The following PLEKHA8 variants were observed in gnomAD, a reference collection of about 807,000 sequenced individuals.
PLEKHA8 encodes pleckstrin homology domain-containing family A member 8.
A neutral mutation model predicts 68.2 loss-of-function variants in PLEKHA8; 36 were observed. The observed-to-expected ratio is 0.53, with a 90% CI of 0.40 to 0.70. The LOEUF is 0.70. PLEKHA8 is among the 30% of genes least tolerant of loss of function. The pLI, the probability that PLEKHA8 is intolerant of heterozygous loss-of-function variation, is 0.00. For synonymous variants in PLEKHA8, 211 were observed against 216.1 expected, an observed-to-expected ratio of 0.98 and a Z score of 0.20; for missense variants, 505 against 615.4, an observed-to-expected ratio of 0.82 and a Z score of 1.90.
At chr7:30,029,280 A>C (rs967419437) in intron 1 of PLEKHA8, among the ~76,000 whole-genome samples, 3 of 152,168 alleles carry the variant, frequency 2.0e-5, no homozygotes, top group African/African-American at 7.2e-5. Context: ...TCCCTTTGTC[A>C]CCTTCAGAGT....
chr7:30,061,856 C>G, intron 10 of PLEKHA8, 41 bp from the exon 11 acceptor site: 1 of 1,611,140 alleles, frequency 6.2e-7, no homozygotes. Context: ...TTGATAACTT[C>G]AGCATTTTAA....
chr7:30,111,183 A>G (rs983000463), intron 13 of PLEKHA8, among the ~76,000 whole-genome samples: 3 of 152,136 alleles, frequency 2.0e-5, no homozygotes, highest in Non-Finnish European at 2.9e-5. Flanking sequence ...GATTACACGC[A>G]TGAGCCATCA....
downstream of PLEKHA8, chr7:30,129,702 A>G (rs948393135): frequency 9.0e-5 from 18 of 199,240 alleles, no homozygotes; most frequent in Middle Eastern, 2.2e-3. Context: ...TCTCTCACAC[A>G]CTCACATATT....
chr7:30,040,588 C>T (rs1477465105), intron 1 of PLEKHA8, among the ~76,000 whole-genome samples: 1 of 152,206 alleles, frequency 6.6e-6, no homozygotes, highest in Admixed American at 6.5e-5. Context: ...TGGTCACCCC[C>T]ACCCAAACCT....
chr7:30,118,700 C>T (rs932560820), intron 13 of PLEKHA8, among the ~76,000 whole-genome samples: 1 of 152,128 alleles, frequency 6.6e-6, no homozygotes, highest in Non-Finnish European at 1.5e-5. Context: ...GCCTCAGCCT[C>T]CCCAGCAGCT....
chr7:30,084,801 C>A, downstream of PLEKHA8: 1 of 314,602 alleles, frequency 3.2e-6, no homozygotes, highest in Non-Finnish European at 4.6e-6. Context: ...CTCCATGGGG[C>A]AGGTACTGTT....
At chr7:30,037,053 G>A (rs972652869) in intron 1 of PLEKHA8, among the ~76,000 whole-genome samples, 10 of 152,174 alleles carry the variant, frequency 6.6e-5, no homozygotes, top group Non-Finnish European at 2.9e-5. Flanking sequence ...GTGTGGCTGA[G>A]CGCTTAGGTT....
intron 13 of PLEKHA8, among the ~76,000 whole-genome samples, chr7:30,124,981 C>T (rs1796750413): frequency 6.6e-6 from 1 of 151,484 alleles, no homozygotes; most frequent in African/African-American, 2.4e-5. Context: ...ATTCTTTCGT[C>T]ATAATTTTTT....
chr7:30,106,251 C>T (rs1320581655), intron 13 of PLEKHA8, among the ~76,000 whole-genome samples: 8 of 151,838 alleles, frequency 5.3e-5, no homozygotes, highest in South Asian at 2.1e-4. Flanking sequence ...TTAGTAGAGA[C>T]GGGGTTTCAC....
rs73077979 is a variant in PLEKHA8 at position 30,063,276 on chromosome 7, C to G, written c.1300+534C>G. On this transcript the variant is annotated intron_variant, in intron 12 of 13. Transcript: ENST00000449726. Reference sequence around the variant, plus strand: ...GGTCAGAGGAGATCATCTTATATCTCCAGCACCTTAAAGTAGTGACTGCAA... The same window carrying G: ...GGTCAGAGGAGATCATCTTATATCTGCAGCACCTTAAAGTAGTGACTGCAA... Among the ~76,000 whole-genome samples, 473 of 152,286 alleles carry G rather than the reference C, an allele frequency of 3.1e-3. 4 individuals carry two copies. Among genetic ancestry groups the G allele is most frequent in the Middle Eastern group, 6.8e-3 (2 of 294 alleles).
At chr7:30,102,415 T>C (rs182133564) in intron 13 of PLEKHA8, among the ~76,000 whole-genome samples, 7 of 152,290 alleles carry the variant, frequency 4.6e-5, no homozygotes, top group Admixed American at 3.3e-4. Context: ...GCAATTCCAC[T>C]CCTAGGTATA....
intron 13 of PLEKHA8, among the ~76,000 whole-genome samples, chr7:30,108,015 G>A (rs1333618249): frequency 7.2e-6 from 1 of 138,362 alleles, no homozygotes; most frequent in Non-Finnish European, 1.5e-5. Context: ...GTTGCAGTGA[G>A]CAGAGATCGC....
chr7:30,116,101 T>C (rs971252323), intron 13 of PLEKHA8: 2 of 150,744 alleles, frequency 1.3e-5, no homozygotes, highest in African/African-American at 4.9e-5. Flanking sequence ...TACGTATACA[T>C]ACGCATACAT....
chr7:30,104,870 A>C (rs909671720), intron 13 of PLEKHA8, among the ~76,000 whole-genome samples: 1 of 151,820 alleles, frequency 6.6e-6, no homozygotes, highest in Non-Finnish European at 1.5e-5. Context: ...CTACAGGTAC[A>C]TGCCACCACA....
Position 30,047,956 on chromosome 7 carries a change from G to A in PLEKHA8, c.438G>A (p.Glu146=). ...CCACAACTGGTGTGTCCAATTCTGA[G>A]GTAAAATATTATTTATTAATATTAT... ...EVTTTGVSNS[E]EGIDVGTLLK... Residue 146 remains glutamate (E), a splice_region_variant and synonymous_variant, in exon 4 of 14, where the codon GAG becomes GAA. Transcript: ENST00000449726. 1.4e-6 allele frequency: 2 copies of A among 1,412,130 alleles called. No homozygotes were observed. Among genetic ancestry groups the A allele is most frequent in the East Asian group, 2.6e-5 (1 of 37,908 alleles). The allele number at this position is 1,412,130 out of a possible 1,614,324, so 87.5% of individuals were successfully genotyped here.
chr7:30,114,695 A>T (rs549436223), intron 13 of PLEKHA8, among the ~76,000 whole-genome samples: 1 of 152,270 alleles, frequency 6.6e-6, no homozygotes, highest in African/African-American at 2.4e-5. Flanking sequence ...GCTTATCTTT[A>T]AAGAAGGCTG....
chr7:30,059,780 A>T (rs573904764), intron 9 of PLEKHA8, among the ~76,000 whole-genome samples: 27 of 152,136 alleles, frequency 1.8e-4, no homozygotes, highest in African/African-American at 6.5e-4. Flanking sequence ...TTCAAACCAC[A>T]TATGTAATTT....
chr7:30,115,766 A>G (rs575447670), intron 13 of PLEKHA8: 8 of 149,376 alleles, frequency 5.4e-5, no homozygotes, highest in Middle Eastern at 3.4e-3. Context: ...ATACATGTAT[A>G]CACGTATGCA....
At chr7:30,109,586 C>CAAAAA (rs1166200858) in intron 13 of PLEKHA8, among the ~76,000 whole-genome samples, 17 of 41,588 alleles carry the variant, frequency 4.1e-4, no homozygotes, top group Admixed American at 1.1e-3. Context: ...AACTCTGTCT[C>CAAAAA]AAAAAAAAAA....
Sources: gnomAD v4.1 joint callset for allele counts (sites outside exome capture counted in the v4.1 genomes callset) on GRCh38, gnomAD v4.1.1 for gene constraint, MANE v1.5 for transcripts, NCBI Gene and HGNC (gene_info 2026-07-23, HGNC 2026-07-21) for gene names.